The following NUP58 variants were observed in gnomAD, a reference collection of about 807,000 sequenced individuals.
NUP58 encodes nucleoporin p58/p45.
Under a neutral mutation model 70.1 loss-of-function variants are expected in NUP58, and 17 were observed. The ratio of observed to expected loss-of-function variants is 0.24; its 90% CI spans 0.17 to 0.36. The LOEUF (loss-of-function observed/expected upper bound fraction) is 0.36, where lower values mean the gene tolerates loss of function less well. Ranked by LOEUF, NUP58 falls within the 10% of genes least tolerant of loss-of-function variation. The pLI is 1.00. For synonymous variants in NUP58, 275 were observed against 257.6 expected (o/e 1.07, Z -0.65); for missense variants, 644 against 701.5 (o/e 0.92, Z 0.93).
Position 25,331,533 on chromosome 13 carries a change from TACAC to T in NUP58, c.1412_1415del (p.Thr471SerfsTer34). 6.2e-7 allele frequency: 1 copy of T among 1,614,004 alleles called. No homozygotes were observed. The highest frequency in any genetic ancestry group is 8.5e-7 in the Non-Finnish European group (1 of 1,179,976). ...CAGCCGTTGCCATGGCTGCAACACT[TACAC>T]AGCAGCAACAGCCTGCTACAGGTCT... On this transcript the variant is annotated frameshift_variant, in exon 13 of 16. Transcript: ENST00000381736. LOFTEE classifies it high-confidence loss of function.
chr13:25,313,759 A>G lies in NUP58; in HGVS notation c.574+8A>G. ...CAAACACAGGAACATCAGGTAATTG[A>G]TGGTATTTATTCTCCAGAATAGTAA... On this transcript the variant is annotated splice_region_variant and intron_variant, in intron 5 of 15. Coordinates refer to ENST00000381736, the MANE Select transcript of NUP58 (RefSeq NM_014089.4). The G allele has an allele frequency of 2.0e-6, 3 of 1,517,942 alleles. No homozygotes were observed. Among genetic ancestry groups the G allele is most frequent in the Non-Finnish European group, 1.7e-6 (2 of 1,145,484 alleles). 94.0% of individuals were successfully genotyped at this position (1,517,942 alleles called of 1,614,324 possible).
At chr13:25,322,024 A>G (rs1270702099) in intron 9 of NUP58, among the ~76,000 whole-genome samples, 2 of 152,202 alleles carry the variant, frequency 1.3e-5, no homozygotes, top group Admixed American at 1.3e-4. Context: ...TATTAAATAT[A>G]TGTCGTTCTT....
rs950271085 is a variant in NUP58 at position 25,331,875 on chromosome 13, A to C, written c.1435+317A>C. On this transcript the variant is annotated intron_variant, in intron 13 of 15. Transcript: ENST00000381736. ...ATTTAAGAATAACATTAGATTCTGAAATCATGACTGTACCATTTATTGTTT... is the reference window on the plus strand; with the variant it reads ...ATTTAAGAATAACATTAGATTCTGACATCATGACTGTACCATTTATTGTTT... The C allele has an allele frequency of 1.7e-5, 20 of 1,150,434 alleles. No homozygotes were observed. The African/African-American group carries it at 3.2e-4, about 18-fold the overall frequency. 71.3% of individuals were successfully genotyped at this position (1,150,434 alleles called of 1,614,324 possible). A position where few individuals can be genotyped will look rare whatever the true frequency, so the allele number is the denominator to read the frequency against.
At chr13:25,311,594 C>T (rs745640718) in intron 3 of NUP58, among the ~76,000 whole-genome samples, 5 of 151,138 alleles carry the variant, frequency 3.3e-5, no homozygotes, top group Non-Finnish European at 7.4e-5. Flanking sequence ...AGGCTGGTCT[C>T]GAACTCCTGA....
At chr13:25,345,217 A>G (rs949026452), downstream of NUP58, among the ~76,000 whole-genome samples, 2 of 152,208 alleles carry the variant, frequency 1.3e-5, no homozygotes, top group African/African-American at 4.8e-5. Context: ...GAGGTCGCAT[A>G]GCTAAGTCAT....
chr13:25,336,927 T>TA lies in NUP58; in HGVS notation c.1436-9_1436-8insA. 9.3e-6 allele frequency: 14 copies of TA among 1,512,854 alleles called. No individual in the cohort carries two copies. The highest frequency in any genetic ancestry group is 3.8e-5 in the South Asian group (3 of 79,618). The allele number at this position is 1,512,854 out of a possible 1,614,324, so 93.7% of individuals were successfully genotyped here. ...TTTCCCCCCCATTTTTTTTTTTTTT[T>TA]TATACCAGGGCCACAGCCATCTCTG... On this transcript the variant is annotated splice_polypyrimidine_tract_variant and intron_variant, in intron 13 of 15. Coordinates refer to ENST00000381736, the MANE Select transcript of NUP58 (RefSeq NM_014089.4).
At chr13:25,345,196 G>T (rs1455908072), downstream of NUP58, among the ~76,000 whole-genome samples, 1 of 152,132 alleles carries the variant, frequency 6.6e-6, no homozygotes, top group African/African-American at 2.4e-5. Flanking sequence ...CTAAGGTTAA[G>T]CAACTTACTT....
Position 25,338,432 on chromosome 13 carries a change from T to G in NUP58, c.1535-204T>G, listed in dbSNP as rs182869881. The stretch of plus-strand genomic sequence containing the variant: ...AAATTGATGGGTCACAAACTTAGTC[T>G]AAATAGATATAAACGTTTTATTTCA... On this transcript the variant is annotated intron_variant, in intron 14 of 15. Coordinates refer to ENST00000381736, the MANE Select transcript of NUP58 (RefSeq NM_014089.4). 2.8e-3 allele frequency among the ~76,000 whole-genome samples: 428 copies of G among 152,300 alleles called. 5 individuals are homozygous for G. Among genetic ancestry groups the G allele is most frequent in the African/African-American group, 9.9e-3 (410 of 41,580 alleles).
intron 12 of NUP58, among the ~76,000 whole-genome samples, chr13:25,329,552 A>AG (rs1177169852): frequency 6.6e-6 from 1 of 152,236 alleles, no homozygotes; most frequent in Non-Finnish European, 1.5e-5. Flanking sequence ...GATATTCCCA[A>AG]GAACCAAAGA....
At chr13:25,310,920 T>G (rs2030634480) in intron 3 of NUP58, among the ~76,000 whole-genome samples, 1 of 152,198 alleles carries the variant, frequency 6.6e-6, no homozygotes, top group Non-Finnish European at 1.5e-5. Flanking sequence ...CTGGTGAGGA[T>G]GGTCCTTGAT....
intron 5 of NUP58, among the ~76,000 whole-genome samples, chr13:25,314,477 T>C (rs1407223618): frequency 6.6e-6 from 1 of 152,020 alleles, no homozygotes; most frequent in African/African-American, 2.4e-5. Flanking sequence ...AGGTGGGTCA[T>C]CTGAGGTCAG....
At chr13:25,320,416 C>T (rs373446516) in intron 7 of NUP58, 114 bp from the exon 8 acceptor site, 23 of 638,898 alleles carry the variant, frequency 3.6e-5, no homozygotes, top group East Asian at 9.3e-5. Context: ...AGAAGCCATA[C>T]GTGCTTTTTT....
chr13:25,345,363 A>G (rs2032035641), downstream of NUP58, among the ~76,000 whole-genome samples: 2 of 140,204 alleles, frequency 1.4e-5, no homozygotes, highest in South Asian at 2.5e-4. Flanking sequence ...CACAGTTCAT[A>G]TGGGGGAAAC....
intron 2 of NUP58, 64 bp from the exon 3 acceptor site, chr13:25,309,183 C>A: frequency 8.0e-7 from 1 of 1,242,998 alleles, no homozygotes; most frequent in Non-Finnish European, 1.2e-6. Context: ...TCCCTTATGA[C>A]AGGTAAACCT....
In NUP58 at chr13:25,301,788, C is replaced by T; in HGVS notation, c.15C>T (p.Phe5=). The change falls in exon 1 of 16, where the codon TTC becomes TTT. Residue 5 remains phenylalanine (F), a synonymous_variant. Transcript: ENST00000381736. ...CCTGGCCAGACATGTCCACAGGGTT[C>T]TCCTTCGGGTCCGGGACTCTGGGCT... MSTG[F]SFGSGTLGST... The T allele has an allele frequency of 4.3e-6, 7 of 1,613,032 alleles. No individual in the cohort carries two copies. The highest frequency in any genetic ancestry group is 5.9e-6 in the Non-Finnish European group (7 of 1,179,492).
chr13:25,303,482 A>G (rs2030135861), intron 1 of NUP58, among the ~76,000 whole-genome samples: 1 of 151,668 alleles, frequency 6.6e-6, no homozygotes. Flanking sequence ...TGATGAATTA[A>G]TTTTTATATT....
intron 9 of NUP58, among the ~76,000 whole-genome samples, chr13:25,321,670 A>C (rs534459429): frequency 6.6e-6 from 1 of 152,196 alleles, no homozygotes; most frequent in Non-Finnish European, 1.5e-5. Flanking sequence ...TAATCCCAGC[A>C]CTTTTGGAAG....
downstream of NUP58, among the ~76,000 whole-genome samples, chr13:25,345,754 C>A (rs964539234): frequency 1.3e-5 from 2 of 152,102 alleles, no homozygotes; most frequent in Admixed American, 6.5e-5. Flanking sequence ...CTTGCTGGTA[C>A]AGATCAACTG....
rs547230384 is a variant in NUP58, at chr13:25,334,163, G to A, written c.1435+2605G>A. 1.4e-4 allele frequency: 138 copies of A among 985,336 alleles called. No individual in the cohort carries two copies. The Middle Eastern group carries it at 2.1e-3, about 15-fold the overall frequency. 61.0% of individuals were successfully genotyped at this position (985,336 alleles called of 1,614,324 possible). ...ATTTGTGTATGAAATCATGAGCATCGATAACGTGGATAACGTAGTTCCATG... is the reference window on the plus strand; with the variant it reads ...ATTTGTGTATGAAATCATGAGCATCAATAACGTGGATAACGTAGTTCCATG... On this transcript the variant is annotated intron_variant, in intron 13 of 15. Coordinates refer to ENST00000381736, the MANE Select transcript of NUP58 (RefSeq NM_014089.4).
Sources: gnomAD v4.1 joint callset for allele counts (sites outside exome capture counted in the v4.1 genomes callset) on GRCh38, gnomAD v4.1.1 for gene constraint, MANE v1.5 for transcripts, NCBI Gene and HGNC (gene_info 2026-07-23, HGNC 2026-07-21) for gene names.